The following SP4 variants were observed in gnomAD, a reference collection of about 807,000 sequenced individuals.
SP4 encodes the protein Sp4 transcription factor.
Under a neutral mutation model 72.8 loss-of-function variants are expected in SP4, and 19 were observed. That is an observed-to-expected ratio of 0.26 (90% CI 0.18 to 0.38). SP4 has a LOEUF of 0.38. Ranked by LOEUF, SP4 falls within the 10% of genes least tolerant of loss-of-function variation. The pLI is 1.00. For synonymous variants in SP4, 395 were observed against 333.1 expected (o/e 1.19, Z -2.02); for missense variants, 1,008 against 926.3 (o/e 1.09, Z -1.14).
chr7:21,486,176 T>A (rs1185772752), intron 5 of SP4, among the ~76,000 whole-genome samples: 4 of 149,458 alleles, frequency 2.7e-5, no homozygotes, highest in African/African-American at 9.9e-5. Flanking sequence ...TTATTTTTTC[T>A]TGTTTTTTTT....
chr7:21,442,949 T>C (rs55825095), intron 3 of SP4, among the ~76,000 whole-genome samples: 40,717 of 152,140 alleles, frequency 0.27, 6,892 homozygotes, highest in Non-Finnish European at 0.38. Context: ...TTGGCCAGGC[T>C]GTTCTTGAAC....
Position 21,512,015 on chromosome 7 carries a change from A to T in SP4, c.*746A>T, listed in dbSNP as rs964417958. ...CTGGGAAAAAAATGGTTAAAACAAAACTCATCATAGCTTCAGAAAAATAAA... is the reference window on the plus strand; with the variant it reads ...CTGGGAAAAAAATGGTTAAAACAAATCTCATCATAGCTTCAGAAAAATAAA... On this transcript the variant is annotated 3_prime_UTR_variant, in exon 6 of 6. Transcript: ENST00000222584. The T allele has an allele frequency of 2.0e-5, 3 of 152,520 alleles. No individual in the cohort carries two copies. Among genetic ancestry groups the T allele is most frequent in the Non-Finnish European group, 4.4e-5 (3 of 67,996 alleles). 9.4% of individuals were successfully genotyped at this position (152,520 alleles called of 1,614,324 possible). A position where few individuals can be genotyped will look rare whatever the true frequency, so the allele number is the denominator to read the frequency against.
At chr7:21,474,592 T>A (rs1168326791) in intron 3 of SP4, among the ~76,000 whole-genome samples, 8 of 152,262 alleles carry the variant, frequency 5.3e-5, no homozygotes, top group Non-Finnish European at 1.0e-4. Context: ...TTATACCTTT[T>A]GTTTATGTAT....
intron 1 of SP4, 103 bp downstream of exon 1, chr7:21,428,361 G>A: frequency 1.4e-6 from 1 of 720,384 alleles, no homozygotes. Flanking sequence ...CCGCTGAGAT[G>A]CTTTAAGGGG....
At chr7:21,447,358 A>G (rs1783460424) in intron 3 of SP4, among the ~76,000 whole-genome samples, 1 of 152,122 alleles carries the variant, frequency 6.6e-6, no homozygotes, top group Non-Finnish European at 1.5e-5. Context: ...TAACCTACCT[A>G]ACCATTTTAT....
At chr7:21,507,058 TC>T (rs1782017316) in intron 5 of SP4, among the ~76,000 whole-genome samples, 1 of 152,152 alleles carries the variant, frequency 6.6e-6, no homozygotes, top group African/African-American at 2.4e-5. Flanking sequence ...TCCTGATCAT[TC>T]CCCTTTCTCT....
intron 3 of SP4, among the ~76,000 whole-genome samples, chr7:21,441,416 A>G (rs1035918624): frequency 6.6e-5 from 10 of 152,348 alleles, no homozygotes; most frequent in African/African-American, 1.4e-4. Context: ...GGGTTTGCCA[A>G]CCAAACAGCC....
chr7:21,510,947 G>C (rs1782125399), intron 5 of SP4, 75 bp from the exon 6 acceptor site: 2 of 1,402,802 alleles, frequency 1.4e-6, no homozygotes, highest in Non-Finnish European at 1.9e-6. Flanking sequence ...AATGTGACCA[G>C]AAGGGAGATT....
chr7:21,506,967 T>C (rs1209441812), intron 5 of SP4, among the ~76,000 whole-genome samples: 1 of 152,202 alleles, frequency 6.6e-6, no homozygotes, highest in Non-Finnish European at 1.5e-5. Context: ...CATTCAGGAT[T>C]AACATTTGGA....
chr7:21,499,623 C>A (rs1315119301), intron 5 of SP4, among the ~76,000 whole-genome samples: 2 of 152,160 alleles, frequency 1.3e-5, no homozygotes, highest in African/African-American at 4.8e-5. Flanking sequence ...GACTTCTGGC[C>A]TCCAGAACTG....
At chr7:21,496,588 C>A (rs1023580302) in intron 5 of SP4, among the ~76,000 whole-genome samples, 1 of 152,160 alleles carries the variant, frequency 6.6e-6, no homozygotes, top group African/African-American at 2.4e-5. Flanking sequence ...TGTCTTTCAG[C>A]AGTTTGATTA....
chr7:21,482,697 C>G (rs541838480), intron 5 of SP4: 257 of 979,872 alleles, frequency 2.6e-4, no homozygotes, highest in Non-Finnish European at 3.0e-4. Flanking sequence ...CTAAGTTTTA[C>G]GTACACTTTT....
At chr7:21,453,246 T>A (rs76895386) in intron 3 of SP4, among the ~76,000 whole-genome samples, 1 of 152,220 alleles carries the variant, frequency 6.6e-6, no homozygotes, top group Non-Finnish European at 1.5e-5. Flanking sequence ...ACATTTCAGC[T>A]TTCATGAGAG....
intron 5 of SP4, among the ~76,000 whole-genome samples, chr7:21,493,245 A>G (rs531106238): frequency 6.6e-6 from 1 of 152,206 alleles, no homozygotes; most frequent in African/African-American, 2.4e-5. Context: ...TCATTAAGCT[A>G]GAAATCAAAT....
chr7:21,461,094 G>T (rs555529466), intron 3 of SP4, among the ~76,000 whole-genome samples: 3 of 152,354 alleles, frequency 2.0e-5, no homozygotes, highest in Non-Finnish European at 4.4e-5. Context: ...CGTAAAGGTT[G>T]TCTAAGTCCC....
At chr7:21,437,185 A>G (rs1187452733) in intron 3 of SP4, among the ~76,000 whole-genome samples, 2 of 152,196 alleles carry the variant, frequency 1.3e-5, no homozygotes, top group African/African-American at 2.4e-5. Context: ...GAGCTTGATA[A>G]CCGTCCTTAG....
intron 3 of SP4, among the ~76,000 whole-genome samples, chr7:21,460,576 G>C (rs111727875): frequency 6.6e-6 from 1 of 152,044 alleles, no homozygotes; most frequent in Non-Finnish European, 1.5e-5. Flanking sequence ...CTGCTGGCTC[G>C]GGCAGCCTGC....
intron 3 of SP4, among the ~76,000 whole-genome samples, chr7:21,436,205 A>G (rs1356971333): frequency 6.6e-6 from 1 of 152,116 alleles, no homozygotes; most frequent in Non-Finnish European, 1.5e-5. Flanking sequence ...GGCTGAAAAT[A>G]GAGTTTTAAT....
In SP4 at chr7:21,435,137, AT is replaced by A. The variant is rs553280822; in HGVS notation, c.1678+4295del. 4.9e-4 allele frequency among the ~76,000 whole-genome samples: 74 copies of A among 152,342 alleles called. 1 individual carries two copies. The highest frequency in any genetic ancestry group is 6.8e-3 in the Middle Eastern group (2 of 294). The stretch of plus-strand genomic sequence containing the variant: ...ACTTATTTTTGGCAGTAATCATCAT[AT>A]GTAGTAACAGAGATCATACTGTAGG... On this transcript the variant is annotated intron_variant, in intron 3 of 5. Coordinates refer to ENST00000222584, the MANE Select transcript of SP4 (RefSeq NM_003112.5).
Sources: gnomAD v4.1 joint callset for allele counts (sites outside exome capture counted in the v4.1 genomes callset) on GRCh38, gnomAD v4.1.1 for gene constraint, MANE v1.5 for transcripts, NCBI Gene and HGNC (gene_info 2026-07-23, HGNC 2026-07-21) for gene names.